The following ASTN2 variants were observed in gnomAD, a reference collection of about 807,000 sequenced individuals.
ASTN2 encodes astrotactin-2.
ASTN2 carries 54 observed loss-of-function variants against 139.8 expected under a neutral mutation model. The observed-to-expected ratio is 0.39, with a 90% CI of 0.31 to 0.48. ASTN2 has a LOEUF of 0.48. ASTN2 is among the 20% of genes least tolerant of loss of function. The pLI is 0.95. For synonymous variants in ASTN2, 756 were observed against 719.5 expected, an observed-to-expected ratio of 1.05 and a Z score of -0.81; for missense variants, 1,565 against 1,725.1, an observed-to-expected ratio of 0.91 and a Z score of 1.64.
chr9:116,581,689 C>T (rs1853960047), intron 19 of ASTN2, among the ~76,000 whole-genome samples: 1 of 152,178 alleles, frequency 6.6e-6, no homozygotes, highest in East Asian at 1.9e-4. Flanking sequence ...GGTCTCTGAG[C>T]ATATCCTTGC....
Position 116,441,359 on chromosome 9 carries a change from G to C in ASTN2, c.3599-567C>G, listed in dbSNP as rs150526096. 3.6e-3 allele frequency among the ~76,000 whole-genome samples: 553 copies of C among 151,926 alleles called. 6 individuals are homozygous for C. Among genetic ancestry groups the C allele is most frequent in the African/African-American group, 0.013 (529 of 41,434 alleles). ...CATGAGTAGAAGGCATATTCTTCCA[G>C]CTTCAAAAACCCTGTCAAAATCTGT... is the stretch of plus-strand genomic sequence containing the variant. On this transcript the variant is annotated intron_variant, in intron 21 of 22. Transcript: ENST00000313400.
At chr9:116,450,799 T>A (rs1848151149) in intron 20 of ASTN2, among the ~76,000 whole-genome samples, 1 of 152,158 alleles carries the variant, frequency 6.6e-6, no homozygotes, top group Non-Finnish European at 1.5e-5. Context: ...AGAACCCAAC[T>A]TTCCTGTCTC....
At chr9:117,325,130 A>G (rs1828472527) in intron 1 of ASTN2, among the ~76,000 whole-genome samples, 1 of 152,152 alleles carries the variant, frequency 6.6e-6, no homozygotes, top group African/African-American at 2.4e-5. Context: ...TTTATTAATA[A>G]AACAAGCAGA....
chr9:116,787,737 A>G (rs1207982840), intron 13 of ASTN2, among the ~76,000 whole-genome samples: 1 of 152,172 alleles, frequency 6.6e-6, no homozygotes, highest in Non-Finnish European at 1.5e-5. Flanking sequence ...CCTGTTTAAC[A>G]TCATCCAGTG....
At chr9:116,445,061 T>C (rs1253592796) in intron 20 of ASTN2, among the ~76,000 whole-genome samples, 1 of 152,188 alleles carries the variant, frequency 6.6e-6, no homozygotes, top group Non-Finnish European at 1.5e-5. Context: ...AATGCTAGCA[T>C]GCATGACTCA....
chr9:116,849,377 T>A (rs748460507), intron 11 of ASTN2, among the ~76,000 whole-genome samples: 32 of 152,200 alleles, frequency 2.1e-4, no homozygotes, highest in Non-Finnish European at 4.3e-4. Flanking sequence ...GCCCTCACCC[T>A]GAAGCTACCT....
chr9:117,177,760 C>T (rs536181162), intron 3 of ASTN2, among the ~76,000 whole-genome samples: 13 of 152,176 alleles, frequency 8.5e-5, no homozygotes, highest in Non-Finnish European at 1.9e-4. Context: ...TTAGAGTCAT[C>T]ATTTTTGTTA....
chr9:117,306,796 A>C (rs1245073971), intron 1 of ASTN2, among the ~76,000 whole-genome samples: 1 of 151,812 alleles, frequency 6.6e-6, no homozygotes, highest in Non-Finnish European at 1.5e-5. Flanking sequence ...ACCTTTTTTG[A>C]ATGTTTTTCT....
In ASTN2 at chr9:117,325,841, A is replaced by G. The variant is rs545329549; in HGVS notation, c.443-34328T>C. The stretch of plus-strand genomic sequence containing the variant: ...TTCAGACCTGAAGGGGTCCTTAATA[A>G]TCATCTAATCCAGGAGTCCCAAACT... On this transcript the variant is annotated intron_variant, in intron 1 of 22. Coordinates refer to ENST00000313400, the MANE Select transcript of ASTN2 (RefSeq NM_001365068.1). Among the ~76,000 whole-genome samples, 4 of 152,270 alleles carry G rather than the reference A, an allele frequency of 2.6e-5. No individual in the cohort carries two copies. In the South Asian group the frequency reaches 8.3e-4, roughly 32 times the overall value.
intron 4 of ASTN2, among the ~76,000 whole-genome samples, chr9:117,105,489 T>C (rs1034231572): frequency 6.6e-6 from 1 of 152,142 alleles, no homozygotes; most frequent in East Asian, 1.9e-4. Flanking sequence ...CGTGGATGTT[T>C]TGAGTTTTCC....
chr9:117,020,732 G>A (rs1413420), intron 6 of ASTN2, among the ~76,000 whole-genome samples: 113,746 of 152,004 alleles, frequency 0.75, 42,777 homozygotes, highest in Middle Eastern at 0.83. Context: ...AGTTTTCTAA[G>A]GAAGAATCCA....
At chr9:116,761,566 G>A (rs1459831999) in intron 13 of ASTN2, among the ~76,000 whole-genome samples, 3 of 152,102 alleles carry the variant, frequency 2.0e-5, no homozygotes, top group South Asian at 2.1e-4. Flanking sequence ...CCAGGTAGAG[G>A]GAACAGCATG....
chr9:117,364,677 A>T (rs1829785650), intron 1 of ASTN2, among the ~76,000 whole-genome samples: 1 of 152,140 alleles, frequency 6.6e-6, no homozygotes, highest in South Asian at 2.1e-4. Context: ...ATGCTAGTTT[A>T]TAACCCTGAG....
At chr9:116,568,089 G>C (rs548986362) in intron 19 of ASTN2, among the ~76,000 whole-genome samples, 46 of 152,294 alleles carry the variant, frequency 3.0e-4, no homozygotes, top group African/African-American at 1.0e-3. Context: ...CTTGGTAAAG[G>C]CCTAAGTATT....
At chr9:116,946,936 C>CAAAAAAAAAAA (rs3983292) in intron 10 of ASTN2, among the ~76,000 whole-genome samples, 2 of 127,938 alleles carry the variant, frequency 1.6e-5, no homozygotes, top group African/African-American at 6.1e-5. Flanking sequence ...ACATTTTTGT[C>CAAAAAAAAAAA]AAAAAAAAAA....
chr9:116,672,472 C>T (rs1029220039), intron 16 of ASTN2, among the ~76,000 whole-genome samples: 3 of 152,124 alleles, frequency 2.0e-5, no homozygotes, highest in African/African-American at 7.2e-5. Flanking sequence ...TTCTCTTCCT[C>T]CTCAGAATTC....
intron 2 of ASTN2, among the ~76,000 whole-genome samples, chr9:117,274,249 C>G (rs1564120087): frequency 6.6e-6 from 1 of 152,144 alleles, no homozygotes; most frequent in Non-Finnish European, 1.5e-5. Context: ...ACTCAGGAGG[C>G]TGAGGCAGGA....
At chr9:116,651,921 G>A in intron 16 of ASTN2, 128 bp from the exon 17 acceptor site, 1 of 1,188,364 alleles carries the variant, frequency 8.4e-7, no homozygotes. Context: ...AGATGATAGA[G>A]TGATTTATTC....
Position 117,395,109 on chromosome 9 carries a change from G to T in ASTN2, c.442+19388C>A, listed in dbSNP as rs147267384. ...CATCTAAAAGTCTAACTATCACTGT[G>T]AAAGGCAGATCCCTGAAGTCATTTC... On this transcript the variant is annotated intron_variant, in intron 1 of 22. Coordinates refer to ENST00000313400, the MANE Select transcript of ASTN2 (RefSeq NM_001365068.1). Among the ~76,000 whole-genome samples, 397 of 152,282 alleles carry T rather than the reference G, an allele frequency of 2.6e-3. 4 individuals are homozygous for T. Among genetic ancestry groups the T allele is most frequent in the African/African-American group, 9.2e-3 (384 of 41,564 alleles).
Sources: gnomAD v4.1 joint callset for allele counts (sites outside exome capture counted in the v4.1 genomes callset) on GRCh38, gnomAD v4.1.1 for gene constraint, MANE v1.5 for transcripts, NCBI Gene and HGNC (gene_info 2026-07-23, HGNC 2026-07-21) for gene names.